The following HYCC2 variants were observed in gnomAD, a reference collection of about 807,000 sequenced individuals.
The protein encoded by HYCC2 is hyccin 2.
the HYCC2 span, chr2:200,978,436 A>G: frequency 6.6e-6 from 1 of 151,590 alleles, no homozygotes; most frequent in Non-Finnish European, 1.5e-5. Flanking sequence ...GTATATACAT[A>G]CAGATAAATA....
chr2:201,048,830 C>G, the HYCC2 span, among the ~76,000 whole-genome samples: 1 of 151,964 alleles, frequency 6.6e-6, no homozygotes, highest in Non-Finnish European at 1.5e-5. Flanking sequence ...ACCCAGTAAC[C>G]TCAAAATACA....
the HYCC2 span, among the ~76,000 whole-genome samples, chr2:201,016,603 T>C: frequency 3.4e-4 from 49 of 143,838 alleles, no homozygotes; most frequent in East Asian, 3.0e-3. Context: ...TTATTTTTAA[T>C]TTTTTTTTTT....
At chr2:200,979,927 T>C in the HYCC2 span, 1 of 152,638 alleles carries the variant, frequency 6.6e-6, no homozygotes, top group African/African-American at 2.4e-5. Context: ...ATTCAACATC[T>C]AGCTTACTGG....
the HYCC2 span, among the ~76,000 whole-genome samples, chr2:201,068,282 C>T: frequency 6.0e-5 from 9 of 151,130 alleles, no homozygotes; most frequent in East Asian, 7.8e-4. Context: ...AGTGAAACTA[C>T]GTCTCAAAAA....
At chr2:201,060,065 G>GGT in the HYCC2 span, among the ~76,000 whole-genome samples, 5 of 130,276 alleles carry the variant, frequency 3.8e-5, no homozygotes, top group Admixed American at 7.7e-5. Context: ...GGGGGGGGGG[G>GGT]GGTTCTTCTT....
chr2:201,017,077 T>A, the HYCC2 span: 1 of 1,614,070 alleles, frequency 6.2e-7, no homozygotes, highest in Non-Finnish European at 8.5e-7. Flanking sequence ...TAAACCCACA[T>A]CAATTCTGGC....
chr2:201,069,614 C>T, the HYCC2 span, among the ~76,000 whole-genome samples: 3,041 of 151,666 alleles, frequency 0.02, 251 homozygotes, highest in East Asian at 0.25. Context: ...CACACACACA[C>T]ACGCATAAAA....
At chr2:201,009,169 T>C in the HYCC2 span, 1 of 840,270 alleles carries the variant, frequency 1.2e-6, no homozygotes, top group Non-Finnish European at 1.9e-6. Flanking sequence ...TTTAATTTTC[T>C]TTTCCATAAA....
chr2:201,049,999 C>T, the HYCC2 span, among the ~76,000 whole-genome samples: 1 of 151,914 alleles, frequency 6.6e-6, no homozygotes, highest in Non-Finnish European at 1.5e-5. Context: ...TGCACCTGGC[C>T]TAAAACTACA....
At chr2:201,032,579 C>A in the HYCC2 span, among the ~76,000 whole-genome samples, 1 of 152,144 alleles carries the variant, frequency 6.6e-6, no homozygotes, top group South Asian at 2.1e-4. Flanking sequence ...CAATTAATTC[C>A]TACGTGGTTT....
At chr2:201,000,648 G>C in the HYCC2 span, among the ~76,000 whole-genome samples, 1 of 152,150 alleles carries the variant, frequency 6.6e-6, no homozygotes, top group Non-Finnish European at 1.5e-5. Flanking sequence ...ACTCTGGAAA[G>C]AAGCATGACA....
chr2:201,045,612 G>A, the HYCC2 span: 2 of 397,334 alleles, frequency 5.0e-6, no homozygotes, highest in African/African-American at 4.1e-5. Flanking sequence ...AATAAAAATA[G>A]AAAACTGAAA....
the HYCC2 span, chr2:200,979,142 T>C: frequency 6.6e-6 from 1 of 152,120 alleles, no homozygotes; most frequent in Non-Finnish European, 1.5e-5. Flanking sequence ...TATGGGCCTT[T>C]ATAGCTCATT....
chr2:200,981,833 G>C, the HYCC2 span: 3 of 1,613,358 alleles, frequency 1.9e-6, no homozygotes, highest in Non-Finnish European at 1.7e-6. The surrounding 1 kb of genome is among the most constrained non-coding windows in gnomAD (Gnocchi z 4.5). Context: ...GCATCATTCA[G>C]GTTTACAGAC....
At chr2:201,044,478 C>G in the HYCC2 span, among the ~76,000 whole-genome samples, 3 of 152,182 alleles carry the variant, frequency 2.0e-5, no homozygotes, top group Non-Finnish European at 4.4e-5. Context: ...TAAAGAACTA[C>G]TTGCAGGGAA....
chr2:200,992,964 G>C, the HYCC2 span: 1 of 1,613,830 alleles, frequency 6.2e-7, no homozygotes, highest in Non-Finnish European at 8.5e-7. Flanking sequence ...GTTCTTTCCA[G>C]TGTTTTTCAT....
chr2:201,012,183 G>A, the HYCC2 span, among the ~76,000 whole-genome samples: 1 of 152,158 alleles, frequency 6.6e-6, no homozygotes, highest in African/African-American at 2.4e-5. Context: ...TATTGGGCCA[G>A]GTGTGGTGGC....
At chr2:201,036,874 T>C in the HYCC2 span, among the ~76,000 whole-genome samples, 2 of 152,164 alleles carry the variant, frequency 1.3e-5, no homozygotes, top group Non-Finnish European at 2.9e-5. Context: ...CTATTCAACA[T>C]AGTGTTGGAA....
chr2:201,044,087 A>G, the HYCC2 span, among the ~76,000 whole-genome samples: 2 of 152,226 alleles, frequency 1.3e-5, no homozygotes, highest in Non-Finnish European at 2.9e-5. Flanking sequence ...ACTGTATATT[A>G]CATCACCTGG....
Sources: gnomAD v4.1 joint callset for allele counts (sites outside exome capture counted in the v4.1 genomes callset) on GRCh38, gnomAD v4.1.1 for gene constraint, Gnocchi (gnomAD v3.1) non-coding constraint, MANE v1.5 for transcripts, NCBI Gene and HGNC (gene_info 2026-07-23, HGNC 2026-07-21) for gene names.